The following MARCHF1 variants were observed in gnomAD, a reference collection of about 807,000 sequenced individuals.
MARCHF1 encodes membrane associated ring-CH-type finger 1.
A neutral mutation model predicts 54.2 loss-of-function variants in MARCHF1; 40 were observed. The ratio of observed to expected loss-of-function variants is 0.74; its 90% confidence interval spans 0.57 to 0.96. The LOEUF (loss-of-function observed/expected upper bound fraction) is 0.96. MARCHF1 is among the 40% of genes least tolerant of loss of function. The pLI is 0.00. For missense variants in MARCHF1, 586 were observed against 656.5 expected (o/e 0.89, Z 1.17); for synonymous variants, 236 against 236.3 (o/e 1.00, Z 0.01).
intron 7 of MARCHF1, among the ~76,000 whole-genome samples, chr4:163,605,964 G>C (rs867342541): frequency 7.9e-5 from 12 of 152,082 alleles, no homozygotes; most frequent in Admixed American, 7.9e-4. Context: ...TAGATGATAG[G>C]TTGATGGGTG....
chr4:163,989,468 C>T (rs1752933189), intron 2 of MARCHF1, among the ~76,000 whole-genome samples: 1 of 152,132 alleles, frequency 6.6e-6, no homozygotes, highest in Non-Finnish European at 1.5e-5. Flanking sequence ...CTACTCATTT[C>T]AGCTTTATTG....
At chr4:163,901,365 G>A (rs951156493) in intron 3 of MARCHF1, among the ~76,000 whole-genome samples, 2 of 152,150 alleles carry the variant, frequency 1.3e-5, no homozygotes, top group African/African-American at 4.8e-5. Context: ...ATATAGCTCA[G>A]TAACCTAATG....
intron 3 of MARCHF1, among the ~76,000 whole-genome samples, chr4:163,873,021 G>A (rs900193864): frequency 6.6e-6 from 1 of 151,578 alleles, no homozygotes; most frequent in Non-Finnish European, 1.5e-5. Flanking sequence ...TCCAGCCTGG[G>A]CGACAGAGCG....
intron 1 of MARCHF1, among the ~76,000 whole-genome samples, chr4:164,166,872 A>C (rs1730393989): frequency 7.1e-6 from 1 of 140,702 alleles, no homozygotes; most frequent in African/African-American, 2.5e-5. Context: ...TAAAGAAATC[A>C]AGAAAAAATA....
chr4:163,744,934 A>C (rs558387088), intron 4 of MARCHF1, among the ~76,000 whole-genome samples: 7 of 152,142 alleles, frequency 4.6e-5, no homozygotes, highest in Non-Finnish European at 8.8e-5. Flanking sequence ...TTCCCTACTA[A>C]ATAGGCCTAA....
intron 9 of MARCHF1, chr4:163,530,016 G>A (rs1738293042): frequency 6.6e-6 from 1 of 151,866 alleles, no homozygotes; most frequent in South Asian, 2.1e-4. Context: ...TAAAAACCAT[G>A]GTAATTGAGA....
At chr4:163,775,541 C>A (rs1173192154) in intron 4 of MARCHF1, among the ~76,000 whole-genome samples, 5 of 151,964 alleles carry the variant, frequency 3.3e-5, no homozygotes, top group Non-Finnish European at 7.4e-5. Context: ...GCGACTGGGT[C>A]CTGATACTCT....
intron 1 of MARCHF1, among the ~76,000 whole-genome samples, chr4:164,160,271 T>C (rs1451975223): frequency 1.3e-5 from 2 of 152,116 alleles, no homozygotes; most frequent in Non-Finnish European, 2.9e-5. Context: ...GGTGGCATAA[T>C]CTACTACACA....
In MARCHF1 at chr4:164,163,125, T is replaced by A. The variant is rs574977068; in HGVS notation, c.-322-51463A>T. 2.0e-5 allele frequency among the ~76,000 whole-genome samples: 3 copies of A among 152,052 alleles called. No homozygotes were observed. The East Asian group carries it at 5.8e-4, about 29-fold the overall frequency. ...ATTACTCAATTAAAATAGTAAAGAA[T>A]GCACTTCAGGCAAAAAATAAAATTA... On this transcript the variant is annotated intron_variant, in intron 1 of 9. Coordinates refer to ENST00000514618, the MANE Select transcript of MARCHF1 (RefSeq NM_001394959.1).
At chr4:163,892,852 C>A (rs1750691319) in intron 3 of MARCHF1, among the ~76,000 whole-genome samples, 1 of 151,926 alleles carries the variant, frequency 6.6e-6, no homozygotes, top group Non-Finnish European at 1.5e-5. Flanking sequence ...GGGTTAGAGA[C>A]AAATGGTTTT....
chr4:164,052,890 T>C (rs1754403785), intron 2 of MARCHF1, among the ~76,000 whole-genome samples: 1 of 152,162 alleles, frequency 6.6e-6, no homozygotes, highest in East Asian at 1.9e-4. Flanking sequence ...AGAGTGGAAC[T>C]ATGAAAGAGT....
intron 4 of MARCHF1, among the ~76,000 whole-genome samples, chr4:163,717,042 ACG>A (rs1228252265): frequency 2.5e-4 from 38 of 152,088 alleles, no homozygotes; most frequent in African/African-American, 8.9e-4. Flanking sequence ...CATGTGCACA[ACG>A]TGCAGGTTTG....
chr4:164,347,149 A>G (rs1227117284), intron 1 of MARCHF1, among the ~76,000 whole-genome samples: 2 of 152,152 alleles, frequency 1.3e-5, no homozygotes, highest in Non-Finnish European at 2.9e-5. Context: ...TAAATAAAGA[A>G]CATGTGAAAA....
chr4:163,929,955 TTATATATAATATATATAA>T (rs1296327370), intron 3 of MARCHF1, among the ~76,000 whole-genome samples: 9 of 81,424 alleles, frequency 1.1e-4, no homozygotes, highest in African/African-American at 4.0e-4. Context: ...ATTATATATA[TTATATATAATATATATAA>T]TATATATAAT....
intron 7 of MARCHF1, among the ~76,000 whole-genome samples, chr4:163,588,584 T>C (rs1256638949): frequency 6.6e-6 from 1 of 152,172 alleles, no homozygotes; most frequent in Non-Finnish European, 1.5e-5. Flanking sequence ...ATCCATCTCC[T>C]GCCTCCACAA....
intron 3 of MARCHF1, among the ~76,000 whole-genome samples, chr4:163,928,841 T>C (rs1017877695): frequency 4.6e-5 from 7 of 151,886 alleles, no homozygotes; most frequent in Non-Finnish European, 1.0e-4. Context: ...ACAATGAAAT[T>C]AAAATATATT....
intron 1 of MARCHF1, among the ~76,000 whole-genome samples, chr4:164,145,146 C>G (rs1357634736): frequency 1.3e-5 from 2 of 150,962 alleles, no homozygotes; most frequent in African/African-American, 4.9e-5. Flanking sequence ...TCTGAATAGA[C>G]CAATAACAGG....
chr4:163,580,011 G>C (rs1740167692), intron 8 of MARCHF1, among the ~76,000 whole-genome samples: 1 of 152,008 alleles, frequency 6.6e-6, no homozygotes, highest in Non-Finnish European at 1.5e-5. Context: ...TCTTGCCAAT[G>C]ATCAAAAGAA....
intron 3 of MARCHF1, among the ~76,000 whole-genome samples, chr4:163,860,927 AC>A (rs1422258101): frequency 1.3e-5 from 2 of 152,184 alleles, no homozygotes; most frequent in Non-Finnish European, 2.9e-5. Context: ...ACAAAAAATT[AC>A]GAAGCATGCT....
Sources: gnomAD v4.1 joint callset for allele counts (sites outside exome capture counted in the v4.1 genomes callset) on GRCh38, gnomAD v4.1.1 for gene constraint, MANE v1.5 for transcripts, NCBI Gene and HGNC (gene_info 2026-07-23, HGNC 2026-07-21) for gene names.